Variants in SHANK2 observed in about 807,000 individuals in gnomAD.
The protein encoded by SHANK2 is SH3 and multiple ankyrin repeat domains 2, also known as SH3 and multiple ankyrin repeat domains protein 2.
A neutral mutation model predicts 133.7 loss-of-function variants in SHANK2; 43 were observed. That is an observed-to-expected ratio of 0.32 (90% CI 0.25 to 0.41). The LOEUF (loss-of-function observed/expected upper bound fraction) is 0.41. Among genes scored for constraint, SHANK2 ranks in the 10% least tolerant of loss-of-function variants. SHANK2 has a pLI of 1.00. For missense variants in SHANK2, 1,994 were observed against 2,235.8 expected (o/e 0.89, Z 2.18); for synonymous variants, 1,017 against 952.8 (o/e 1.07, Z -1.24).
intron 14 of SHANK2, among the ~76,000 whole-genome samples, chr11:70,702,169 T>C (rs1252127606): frequency 7.0e-6 from 1 of 142,666 alleles, no homozygotes; most frequent in Non-Finnish European, 1.5e-5. Context: ...ACCAACATCA[T>C]CACCATAATT....
chr11:70,703,800 G>A (rs1175772218), intron 14 of SHANK2, among the ~76,000 whole-genome samples: 1 of 152,146 alleles, frequency 6.6e-6, no homozygotes, highest in Non-Finnish European at 1.5e-5. Context: ...CTTCAGCCGC[G>A]CATGCACCTG....
At chr11:71,072,312 C>T (rs1452621192) in intron 9 of SHANK2, among the ~76,000 whole-genome samples, 1 of 152,152 alleles carries the variant, frequency 6.6e-6, no homozygotes, top group Non-Finnish European at 1.5e-5. Flanking sequence ...CAGCCCCCCA[C>T]GCCCCTGCTT....
chr11:70,770,291 T>C (rs551679409), intron 14 of SHANK2, among the ~76,000 whole-genome samples: 3 of 152,266 alleles, frequency 2.0e-5, no homozygotes, highest in South Asian at 2.1e-4. Context: ...TGGTCTCTGA[T>C]AGTAGGAATC....
At position 71,175,545 on chromosome 11, in the gene SHANK2, GGAGAGGGAGAGA is replaced by G. The variant is rs71049961; in HGVS notation, c.-12-28219_-12-28208del. Among the ~76,000 whole-genome samples, 8,273 of 77,766 alleles carry G rather than the reference GGAGAGGGAGAGA, an allele frequency of 0.11. 310 individuals carry two copies. The highest frequency in any genetic ancestry group is 0.21 in the South Asian group (380 of 1,834). The allele number at this position is 77,766 out of a possible 152,430, so 51.0% of individuals were successfully genotyped here. ...GACAGACAGACAGACAGAGGGAGAG[GGAGAGGGAGAGA>G]GAGAGAGAGAGAGAGAGAGAGAGAG... On this transcript the variant is annotated intron_variant, in intron 2 of 25. Coordinates refer to ENST00000601538, the MANE Select transcript of SHANK2 (RefSeq NM_012309.5). This position sits in a 1 kb window ranked among gnomAD's most constrained non-coding sequence, Gnocchi z 4.2.
Position 70,536,948 on chromosome 11 carries a change from TTCTTACTC to T in SHANK2, c.2062-34025_2062-34018del, listed in dbSNP as rs375654109. On this transcript the variant is annotated intron_variant, in intron 17 of 25. Coordinates refer to ENST00000601538, the MANE Select transcript of SHANK2 (RefSeq NM_012309.5). ...GGGGTGAGGACAGAGCAGAGGACCC[TTCTTACTC>T]CAGGAAATAAACAGCATTTTCTGAG... is the stretch of plus-strand genomic sequence containing the variant. Among the ~76,000 whole-genome samples the T allele has an allele frequency of 1.5e-3, 229 of 152,324 alleles. 3 individuals carry two copies. The highest frequency in any genetic ancestry group is 5.3e-3 in the African/African-American group (222 of 41,576).
At position 71,113,349 on chromosome 11, in the gene SHANK2, G is replaced by A. The variant is rs1468274204; in HGVS notation, c.427C>T (p.Arg143Trp). Residue 143 changes from arginine to tryptophan, a missense_variant, in exon 5 of 26, where the codon CGG becomes TGG. Physicochemically the swap from Arg to Trp is moderately radical, Grantham distance 101. Around this residue, in one of 5 missense-constraint regions of SHANK2, gnomAD observed 653 missense variants for 563.4 expected, o/e 1.16. Transcript: ENST00000601538. ...VPSLEFRYKK[R>W]VYKQASLDEK... The stretch of plus-strand genomic sequence containing the variant: ...TCGAGACTGGCTTGTTTATACACCC[G>A]CTTCTTGTATCGAAACTGGCACAGA... The A allele has an allele frequency of 3.0e-5, 47 of 1,551,480 alleles. No homozygotes were observed. The highest frequency in any genetic ancestry group is 3.8e-5 in the Non-Finnish European group (44 of 1,146,954).
intron 10 of SHANK2, among the ~76,000 whole-genome samples, chr11:70,917,908 T>C (rs868946238): frequency 1.3e-5 from 2 of 152,192 alleles, no homozygotes; most frequent in East Asian, 3.8e-4. Context: ...TAATGGGCAC[T>C]AGGTTTAATA....
At chr11:70,953,788 G>A (rs1204942682) in intron 10 of SHANK2, among the ~76,000 whole-genome samples, 2 of 152,150 alleles carry the variant, frequency 1.3e-5, no homozygotes, top group Admixed American at 6.5e-5. Flanking sequence ...GACCATCCCT[G>A]CGGGCATCCC....
chr11:71,158,289 T>C (rs1458778496), intron 2 of SHANK2, among the ~76,000 whole-genome samples: 1 of 151,908 alleles, frequency 6.6e-6, no homozygotes, highest in Non-Finnish European at 1.5e-5. Flanking sequence ...GATAAGAATA[T>C]ACAAAAGTTA....
At chr11:70,822,488 G>A (rs3862773) in intron 11 of SHANK2, among the ~76,000 whole-genome samples, 38,638 of 151,258 alleles carry the variant, frequency 0.26, 5,601 homozygotes, top group East Asian at 0.51. Context: ...CACTGGCAGA[G>A]TTCATAGGGG....
chr11:70,610,112 G>A (rs1554993787), intron 17 of SHANK2, among the ~76,000 whole-genome samples: 1 of 151,912 alleles, frequency 6.6e-6, no homozygotes, highest in Non-Finnish European at 1.5e-5. Context: ...ACTAGGTCTC[G>A]GTGGTGGTCA....
intron 2 of SHANK2, among the ~76,000 whole-genome samples, chr11:71,180,791 A>T (rs1194644687): frequency 6.6e-6 from 1 of 151,996 alleles, no homozygotes; most frequent in Non-Finnish European, 1.5e-5. Context: ...GAAGGACGGA[A>T]TTTTTACCAG....
chr11:71,090,050 T>G (rs1951478994), intron 8 of SHANK2, among the ~76,000 whole-genome samples: 2 of 152,100 alleles, frequency 1.3e-5, no homozygotes, highest in African/African-American at 4.8e-5. Flanking sequence ...GCTTCCACAT[T>G]CAGGATATAT....
chr11:70,530,207 T>C (rs985976744), intron 17 of SHANK2, among the ~76,000 whole-genome samples: 1 of 152,142 alleles, frequency 6.6e-6, no homozygotes, highest in Non-Finnish European at 1.5e-5. Flanking sequence ...ATCCATGCAA[T>C]GGAATATTAC....
chr11:71,132,669 T>C (rs1952340366), intron 3 of SHANK2, among the ~76,000 whole-genome samples: 1 of 152,134 alleles, frequency 6.6e-6, no homozygotes, highest in Non-Finnish European at 1.5e-5. Context: ...ATCCTTACAA[T>C]ATTTGCTTTA....
chr11:70,607,537 TG>T (rs1554992867), intron 17 of SHANK2, among the ~76,000 whole-genome samples: 1 of 152,224 alleles, frequency 6.6e-6, no homozygotes, highest in African/African-American at 2.4e-5. Flanking sequence ...CTCTAGGGCC[TG>T]TTTGCCAGCA....
chr11:70,569,061 C>T lies in SHANK2; in HGVS notation c.2062-66130G>A, dbSNP rs575147769. Among the ~76,000 whole-genome samples the T allele has an allele frequency of 1.8e-4, 28 of 152,220 alleles. No homozygotes were observed. The highest frequency in any genetic ancestry group is 3.1e-4 in the Non-Finnish European group (21 of 68,028). On this transcript the variant is annotated intron_variant, in intron 17 of 25. Coordinates refer to ENST00000601538, the MANE Select transcript of SHANK2 (RefSeq NM_012309.5). This position sits in a 1 kb window ranked among gnomAD's most constrained non-coding sequence, Gnocchi z 5.1. ...GGCATGCAGCATGCAGGCCCCACTC[C>T]TGCCGCTGGACTTACAGTGAACGGA...
At chr11:71,167,617 C>T (rs1193013641) in intron 2 of SHANK2, among the ~76,000 whole-genome samples, 4 of 144,562 alleles carry the variant, frequency 2.8e-5, no homozygotes, top group African/African-American at 5.2e-5. Flanking sequence ...TAGGGGCGGC[C>T]GGGAAGAGGC....
intron 2 of SHANK2, among the ~76,000 whole-genome samples, chr11:71,204,997 T>C (rs554700213): frequency 8.6e-5 from 13 of 152,006 alleles, no homozygotes; most frequent in African/African-American, 3.1e-4. Context: ...GCCTCCCTCC[T>C]CCCTCCCTCA....
Sources: gnomAD v4.1 joint callset for allele counts (sites outside exome capture counted in the v4.1 genomes callset) on GRCh38, gnomAD v4.1.1 for gene constraint, gnomAD v4.1.1 regional missense constraint, Gnocchi (gnomAD v3.1) non-coding constraint, MANE v1.5 for transcripts, NCBI Gene and HGNC (gene_info 2026-07-23, HGNC 2026-07-21) for gene names.